AMBN: variants seen among roughly 807,000 people sequenced by gnomAD.
AMBN encodes the protein enamel matrix protein.
Under a neutral mutation model 48.0 loss-of-function variants are expected in AMBN, and 54 were observed. That is an observed-to-expected ratio of 1.12 (90% CI 0.90 to 1.41). The LOEUF (loss-of-function observed/expected upper bound fraction) is 1.41. Ranked by LOEUF, AMBN falls within the 40% of genes most tolerant of loss-of-function variation. The probability of loss-of-function intolerance (pLI) is 0.00; values close to 1 mark genes in which losing one functional copy is unlikely to be tolerated. For missense variants in AMBN, 571 were observed against 547.3 expected, an observed-to-expected ratio of 1.04 and a Z score of -0.43; for synonymous variants, 186 against 190.0, an observed-to-expected ratio of 0.98 and a Z score of 0.17.
chr4:70,593,533 A>C (rs1737321875), intron 2 of AMBN, 138 bp downstream of exon 2: 1 of 701,058 alleles, frequency 1.4e-6, no homozygotes, highest in East Asian at 2.9e-5. Flanking sequence ...TTGAGTCAAA[A>C]GCCATAGTTG....
chr4:70,606,506 G>GC lies in AMBN; in HGVS notation c.1120_1121insC (p.Gly374AlafsTer11). On this transcript the variant is annotated frameshift_variant, in exon 13 of 13. Coordinates refer to ENST00000322937, the MANE Select transcript of AMBN (RefSeq NM_016519.6). LOFTEE classifies it low-confidence loss of function (END_TRUNC). ...AAGGAGCCCTTCAGGGAAGATGAAG[G>GC]GACTCCCCAGCGTCACCCCAGCAGC... The GC allele has an allele frequency of 6.2e-7, 1 of 1,613,994 alleles. No individual in the cohort carries two copies.
chr4:70,594,982 C>T (rs992185224), intron 2 of AMBN, among the ~76,000 whole-genome samples: 2 of 152,106 alleles, frequency 1.3e-5, no homozygotes, highest in Non-Finnish European at 2.9e-5. Flanking sequence ...GCAAAGTACA[C>T]TTTGTTCTGT....
chr4:70,603,509 TAAG>T, intron 11 of AMBN, 49 bp downstream of exon 11: 1 of 1,558,894 alleles, frequency 6.4e-7, no homozygotes, highest in Non-Finnish European at 8.7e-7. Context: ...AATTTTATCT[TAAG>T]AGCTAAAATT....
At position 70,601,659 on chromosome 4, in the gene AMBN, T is replaced by C; in HGVS notation, c.531+5T>C. ...GATAAGCCACCAAAGCCTGAGGTAC[T>C]TCCTTTCTCTTGAAGTCAGATCAGA... is the stretch of plus-strand genomic sequence containing the variant. On this transcript the variant is annotated splice_donor_5th_base_variant and intron_variant, in intron 6 of 12. Coordinates refer to ENST00000322937, the MANE Select transcript of AMBN (RefSeq NM_016519.6). 1.9e-6 allele frequency: 3 copies of C among 1,612,778 alleles called. No homozygotes were observed. Among genetic ancestry groups the C allele is most frequent in the Middle Eastern group, 1.7e-4 (1 of 6,054 alleles).
intron 2 of AMBN, among the ~76,000 whole-genome samples, chr4:70,595,136 C>A (rs943008308): frequency 4.6e-5 from 7 of 152,030 alleles, no homozygotes; most frequent in Non-Finnish European, 8.8e-5. Context: ...ACACAGCTAA[C>A]CTCTTTCCTA....
intron 2 of AMBN, among the ~76,000 whole-genome samples, chr4:70,596,187 G>A (rs1737381631): frequency 6.6e-6 from 1 of 151,574 alleles, no homozygotes; most frequent in Non-Finnish European, 1.5e-5. Flanking sequence ...CTACTTGGGA[G>A]GAGAATCACT....
chr4:70,595,232 G>A (rs72652263), intron 2 of AMBN, among the ~76,000 whole-genome samples: 17,030 of 147,240 alleles, frequency 0.12, 1,307 homozygotes, highest in South Asian at 0.2. Context: ...CTGTTGCCCG[G>A]GCTGGAGTGC....
intron 2 of AMBN, among the ~76,000 whole-genome samples, chr4:70,593,981 T>G (rs142563291): frequency 4.6e-5 from 7 of 151,058 alleles, no homozygotes; most frequent in African/African-American, 1.7e-4. Context: ...AAAGCTTAGA[T>G]AGTCTCCACA....
In AMBN at chr4:70,597,121, G is replaced by A. The variant is rs539114576; in HGVS notation, c.135+72G>A. The stretch of plus-strand genomic sequence containing the variant: ...TTTGTGGTACAGGAGAAATATAATC[G>A]TGTGCTTCTCAGTTTTCCTAGCCAG... On this transcript the variant is annotated intron_variant, in intron 3 of 12. Coordinates refer to ENST00000322937, the MANE Select transcript of AMBN (RefSeq NM_016519.6). 8.5e-5 allele frequency: 118 copies of A among 1,382,684 alleles called. 1 individual carries two copies. The Admixed American group carries it at 1.1e-3, about 12-fold the overall frequency. The allele number at this position is 1,382,684 out of a possible 1,614,324, so 85.7% of individuals were successfully genotyped here.
intron 11 of AMBN, 78 bp downstream of exon 11, chr4:70,603,538 C>G: frequency 7.3e-7 from 1 of 1,373,560 alleles, no homozygotes. Flanking sequence ...ATCTAGGTCT[C>G]ACACAAGAGA....
chr4:70,597,694 G>A (rs2109801015), intron 3 of AMBN, among the ~76,000 whole-genome samples: 1 of 152,134 alleles, frequency 6.6e-6, no homozygotes, highest in Middle Eastern at 3.4e-3. Context: ...TAAGCTGGGG[G>A]CAGTCAATAC....
intron 1 of AMBN, among the ~76,000 whole-genome samples, chr4:70,593,083 A>G (rs375943228): frequency 5.3e-5 from 8 of 152,200 alleles, no homozygotes; most frequent in African/African-American, 1.9e-4. Flanking sequence ...CTACATACTT[A>G]TTTAGGCTGT....
At chr4:70,599,180 C>T (rs925722527) in intron 4 of AMBN, among the ~76,000 whole-genome samples, 1 of 151,996 alleles carries the variant, frequency 6.6e-6, no homozygotes, top group Non-Finnish European at 1.5e-5. Context: ...CAGTGGCTCA[C>T]GCCTGTAATT....
In AMBN at chr4:70,598,505, A is replaced by G. The variant is rs866318277; in HGVS notation, c.183+102A>G. The G allele has an allele frequency of 1.1e-4, 104 of 915,912 alleles. No individual in the cohort carries two copies. In the Middle Eastern group the frequency reaches 4.4e-3, roughly 39 times the overall value. The allele number at this position is 915,912 out of a possible 1,614,324, so 56.7% of individuals were successfully genotyped here. A position where few individuals can be genotyped will look rare whatever the true frequency, so the allele number is the denominator to read the frequency against. On this transcript the variant is annotated intron_variant, in intron 4 of 12. Coordinates refer to ENST00000322937, the MANE Select transcript of AMBN (RefSeq NM_016519.6). The stretch of plus-strand genomic sequence containing the variant: ...TTTATTTATGAATAGACAATATACT[A>G]AAGATTGGAAGAACCAAGAAGTAAA...
intron 12 of AMBN, among the ~76,000 whole-genome samples, chr4:70,605,246 A>G (rs760048837): frequency 1.3e-5 from 2 of 152,172 alleles, no homozygotes; most frequent in African/African-American, 2.4e-5. Context: ...TATTGTATCT[A>G]TATAGCACCA....
intron 2 of AMBN, 25 bp downstream of exon 2, chr4:70,593,420 C>T: frequency 6.3e-7 from 1 of 1,583,816 alleles, no homozygotes; most frequent in Non-Finnish European, 8.7e-7. Context: ...AGAGTGTGTC[C>T]CAGAAAAGGT....
At position 70,601,494 on chromosome 4, in the gene AMBN, A is replaced by C. The variant is rs923278577; in HGVS notation, c.371A>C (p.Lys124Thr). 1.2e-6 allele frequency: 2 copies of C among 1,614,082 alleles called. No homozygotes were observed. Among genetic ancestry groups the C allele is most frequent in the Non-Finnish European group, 8.5e-7 (1 of 1,180,022 alleles). The change falls in exon 6 of 13, where the codon AAA becomes ACA. Residue 124 changes from lysine (K) to threonine (T), a missense_variant. Physicochemically the swap from Lys to Thr is moderately conservative, Grantham distance 78 (BLOSUM62 -1). Transcript: ENST00000322937. ...TTGAAGCCTCAACAGCCAGGACTGA[A>C]ACCTTTTCTCCAGTCTGCTGCTGCA... ...PSLKPQQPGLKPFLQSAAATT... is the reference protein window; with the variant it reads ...PSLKPQQPGLTPFLQSAAATT...
At chr4:70,604,146 T>A (rs1737588126) in intron 12 of AMBN, among the ~76,000 whole-genome samples, 1 of 152,160 alleles carries the variant, frequency 6.6e-6, no homozygotes, top group African/African-American at 2.4e-5. Context: ...AGCATAGAGT[T>A]TTGCCCCATT....
intron 1 of AMBN, 141 bp downstream of exon 1, chr4:70,592,514 C>A: frequency 1.2e-6 from 1 of 846,936 alleles, no homozygotes; most frequent in Non-Finnish European, 1.9e-6. Context: ...TAGCATGTCC[C>A]AGAGATGACA....
Sources: gnomAD v4.1 joint callset for allele counts (sites outside exome capture counted in the v4.1 genomes callset) on GRCh38, gnomAD v4.1.1 for gene constraint, MANE v1.5 for transcripts, NCBI Gene and HGNC (gene_info 2026-07-23, HGNC 2026-07-21) for gene names.